The following PRDM12 variants were observed in gnomAD, a reference collection of about 807,000 sequenced individuals.
The protein encoded by PRDM12 is PR domain zinc finger protein 12.
In PRDM12, 17 loss-of-function variants were observed where a neutral mutation model predicts 29.6. The ratio of observed to expected loss-of-function variants is 0.57; its 90% CI spans 0.39 to 0.86. The LOEUF (loss-of-function observed/expected upper bound fraction) is 0.86, where lower values mean the gene tolerates loss of function less well. Among genes scored for constraint, PRDM12 ranks in the 40% least tolerant of loss-of-function variants. The probability of loss-of-function intolerance (pLI) is 0.00; values close to 1 mark genes in which losing one functional copy is unlikely to be tolerated. For synonymous variants in PRDM12, 231 were observed against 225.8 expected (o/e 1.02, Z -0.21); for missense variants, 422 against 510.8 (o/e 0.83, Z 1.68).
rs1419597231 is a variant in PRDM12, at chr9:130,664,767, C to A, written c.114C>A (p.Tyr38Ter). The A allele has an allele frequency of 1.9e-6, 3 of 1,607,768 alleles. No individual in the cohort carries two copies. Among genetic ancestry groups the A allele is most frequent in the African/African-American group, 1.3e-5 (1 of 74,846 alleles). The change falls in exon 1 of 5, where the codon TAC becomes TAA. Residue 38 changes from tyrosine to a stop codon, truncating the protein, a stop_gained. Coordinates refer to ENST00000253008, the MANE Select transcript of PRDM12 (RefSeq NM_021619.3). LOFTEE classifies it high-confidence loss of function. The surrounding 1 kb of genome is among the most constrained non-coding windows in gnomAD (Gnocchi z 6.4). ...CCGACATCCTGCACAGCTTCCTGTA[C>A]GGCCGCTGGCGCAACGTGCTCGGGG... The part of the protein sequence containing the change: ...ITSDILHSFL[Y>*]GRWRNVLGEQ...
chr9:130,672,924 G>A (rs1020578830), intron 3 of PRDM12, among the ~76,000 whole-genome samples: 4 of 152,174 alleles, frequency 2.6e-5, no homozygotes, highest in African/African-American at 7.2e-5. Flanking sequence ...AGTGGGGAAG[G>A]ACAGATCTTC....
Position 130,681,732 on chromosome 9 carries a change from C to A in PRDM12, c.*63C>A. The stretch of plus-strand genomic sequence containing the variant: ...GGTCCCCGGCACCCCGGCCCCGCAG[C>A]GCGACTCGCCCTCCAGCCCCAACCC... On this transcript the variant is annotated 3_prime_UTR_variant, in exon 5 of 5. Transcript: ENST00000253008. This position sits in a 1 kb window ranked among gnomAD's most constrained non-coding sequence, Gnocchi z 8.1. The A allele has an allele frequency of 1.0e-6, 1 of 978,872 alleles. No individual in the cohort carries two copies. The highest frequency in any genetic ancestry group is 1.2e-6 in the Non-Finnish European group (1 of 825,140). 60.6% of individuals were successfully genotyped at this position (978,872 alleles called of 1,614,324 possible).
rs1342719521 is a variant in PRDM12, at chr9:130,681,143, G to A, written c.683-105G>A. On this transcript the variant is annotated intron_variant, in intron 4 of 4. Transcript: ENST00000253008. The surrounding 1 kb of genome is among the most constrained non-coding windows in gnomAD (Gnocchi z 8.1). ...CACCCTCAAGGACGGACCGGCCCCG[G>A]GCTGGGGGCGCTGAGGGCCCGGGCT... 1 of 1,206,768 alleles carries A rather than the reference G, an allele frequency of 8.3e-7. No individual in the cohort carries two copies. The highest frequency in any genetic ancestry group is 3.6e-5 in the Admixed American group (1 of 27,748). The allele number at this position is 1,206,768 out of a possible 1,614,324, so 74.8% of individuals were successfully genotyped here. A position where few individuals can be genotyped will look rare whatever the true frequency, so the allele number is the denominator to read the frequency against.
At chr9:130,675,923 CAG>C (rs1317615760) in intron 3 of PRDM12, among the ~76,000 whole-genome samples, 6 of 152,136 alleles carry the variant, frequency 3.9e-5, no homozygotes, top group African/African-American at 1.4e-4. Flanking sequence ...GACTTACAAC[CAG>C]AGTCTTAGAG....
chr9:130,680,666 T>A (rs1427255039), intron 4 of PRDM12, among the ~76,000 whole-genome samples: 18 of 139,876 alleles, frequency 1.3e-4, no homozygotes, highest in African/African-American at 3.8e-4. Context: ...TATATTTTTT[T>A]TTTTTTTAAC....
chr9:130,674,208 T>C (rs1241790583), intron 3 of PRDM12, among the ~76,000 whole-genome samples: 1 of 151,656 alleles, frequency 6.6e-6, no homozygotes, highest in African/African-American at 2.4e-5. Flanking sequence ...AGAGACAGGG[T>C]TTCACTATGT....
chr9:130,670,706 C>G lies in PRDM12; in HGVS notation c.570+2393C>G, dbSNP rs79274860. ...ACACACATCTTCGCCTTCATACGCTCTTTCCCAGCCATCCTGATACAGATG... is the reference window on the plus strand; with the variant it reads ...ACACACATCTTCGCCTTCATACGCTGTTTCCCAGCCATCCTGATACAGATG... On this transcript the variant is annotated intron_variant, in intron 3 of 4. Transcript: ENST00000253008. Among the ~76,000 whole-genome samples, 802 of 152,362 alleles carry G rather than the reference C, an allele frequency of 5.3e-3. 5 individuals carry two copies. The highest frequency in any genetic ancestry group is 0.019 in the African/African-American group (770 of 41,576).
intron 4 of PRDM12, among the ~76,000 whole-genome samples, chr9:130,679,330 C>CTTTTT (rs68186892): frequency 1.7e-5 from 2 of 116,540 alleles, no homozygotes; most frequent in Non-Finnish European, 3.4e-5. Flanking sequence ...TTCTTTCTTC[C>CTTTTT]TTTTTTTTTT....
At chr9:130,680,659 A>ATATATATATATATATATATATTTTTTTT in intron 4 of PRDM12, among the ~76,000 whole-genome samples, 1 of 72,170 alleles carries the variant, frequency 1.4e-5, no homozygotes, top group Non-Finnish European at 2.2e-5. Flanking sequence ...ATATATATAT[A>ATATATATATATATATATATATTTTTTTT]TTTTTTTTTT....
chr9:130,668,437 G>A lies in PRDM12; in HGVS notation c.570+124G>A. Reference sequence around the variant, plus strand: ...AGGGGAGCTGACACTGGCCTCGCTGGCTCTGCGCAGGCCATGGGGCTGTGG... The same window carrying A: ...AGGGGAGCTGACACTGGCCTCGCTGACTCTGCGCAGGCCATGGGGCTGTGG... On this transcript the variant is annotated intron_variant, in intron 3 of 4. Coordinates refer to ENST00000253008, the MANE Select transcript of PRDM12 (RefSeq NM_021619.3). This position sits in a 1 kb window ranked among gnomAD's most constrained non-coding sequence, Gnocchi z 4.0. 1 of 1,469,792 alleles carries A rather than the reference G, an allele frequency of 6.8e-7. No individual in the cohort carries two copies. Among genetic ancestry groups the A allele is most frequent in the South Asian group, 1.3e-5 (1 of 77,888 alleles). The allele number at this position is 1,469,792 out of a possible 1,614,324, so 91.0% of individuals were successfully genotyped here.
intron 3 of PRDM12, among the ~76,000 whole-genome samples, chr9:130,673,262 C>T (rs1024053263): frequency 3.3e-5 from 5 of 152,252 alleles, no homozygotes; most frequent in African/African-American, 9.6e-5. Context: ...CTGGCGGGAC[C>T]CCGGGAGCCT....
At position 130,668,178 on chromosome 9, in the gene PRDM12, G is replaced by A. The variant is rs369850639; in HGVS notation, c.435G>A (p.Thr145=). 4.0e-5 allele frequency: 64 copies of A among 1,614,046 alleles called. No homozygotes were observed. Among genetic ancestry groups the A allele is most frequent in the Admixed American group, 8.3e-5 (5 of 60,012 alleles). Residue 145 remains threonine (T), a synonymous_variant, in exon 3 of 5, where the codon ACG becomes ACA. Coordinates refer to ENST00000253008, the MANE Select transcript of PRDM12 (RefSeq NM_021619.3). This position sits in a 1 kb window ranked among gnomAD's most constrained non-coding sequence, Gnocchi z 4.0. ...CCCAGGTGTTCAATGAGGATGGCAC[G>A]GTGCGCTACTTCATCGATGCCAGCC... The part of the protein sequence containing the change: ...LMWEVFNEDG[T]VRYFIDASQE...
intron 4 of PRDM12, among the ~76,000 whole-genome samples, chr9:130,680,637 ATAT>A (rs1830887737): frequency 1.4e-5 from 1 of 71,020 alleles, no homozygotes; most frequent in African/African-American, 7.7e-5. Context: ...AAAAAAAAAT[ATAT>A]ATATATATAT....
intron 3 of PRDM12, among the ~76,000 whole-genome samples, chr9:130,671,374 GAC>G (rs56920587): frequency 0.1 from 13,945 of 135,442 alleles, 732 homozygotes; most frequent in South Asian, 0.16. Context: ...AGAGGATCAG[GAC>G]ACACACACAC....
intron 2 of PRDM12, among the ~76,000 whole-genome samples, chr9:130,667,638 AC>A (rs1206575844): frequency 6.6e-6 from 1 of 151,360 alleles, no homozygotes; most frequent in East Asian, 1.9e-4. Context: ...ACCACTAACC[AC>A]CTTCTCCAGT....
Position 130,668,949 on chromosome 9 carries a change from C to T in PRDM12, c.570+636C>T, listed in dbSNP as rs1214863384. Among the ~76,000 whole-genome samples the T allele has an allele frequency of 6.6e-6, 1 of 152,112 alleles. No individual in the cohort carries two copies. The highest frequency in any genetic ancestry group is 1.9e-4 in the East Asian group (1 of 5,190). ...GTGGCAGCAGACTTGGGGGTTTTGC[C>T]GGCCATCTGGGGGGAGTGTTAGCAC... On this transcript the variant is annotated intron_variant, in intron 3 of 4. Transcript: ENST00000253008. The surrounding 1 kb of genome is among the most constrained non-coding windows in gnomAD (Gnocchi z 4.0).
At chr9:130,667,537 C>CCA (rs1554752086) in intron 2 of PRDM12, among the ~76,000 whole-genome samples, 5 of 151,994 alleles carry the variant, frequency 3.3e-5, no homozygotes, top group Non-Finnish European at 5.9e-5. Context: ...TCCAGCTCCC[C>CCA]CCGGCGGACC....
chr9:130,681,339 G>T lies in PRDM12; in HGVS notation c.774G>T (p.Leu258=). Residue 258 remains leucine (L), a synonymous_variant, in exon 5 of 5, where the codon CTG becomes CTT. Transcript: ENST00000253008. The surrounding 1 kb of genome is among the most constrained non-coding windows in gnomAD (Gnocchi z 8.1). ...CHRGFNSRSN[L]RSHMRIHTLD... Reference sequence around the variant, plus strand: ...GCGGCTTCAACTCGCGCAGCAACCTGCGCTCGCACATGCGCATCCACACGC... The same window carrying T: ...GCGGCTTCAACTCGCGCAGCAACCTTCGCTCGCACATGCGCATCCACACGC... 1 of 1,571,410 alleles carries T rather than the reference G, an allele frequency of 6.4e-7. No individual in the cohort carries two copies. The highest frequency in any genetic ancestry group is 8.6e-7 in the Non-Finnish European group (1 of 1,157,888).
chr9:130,670,569 C>T (rs1830780696), intron 3 of PRDM12, among the ~76,000 whole-genome samples: 1 of 152,190 alleles, frequency 6.6e-6, no homozygotes, highest in Admixed American at 6.5e-5. Flanking sequence ...ACAGAGGTGG[C>T]TCCTTGACCA....
Sources: allele counts gnomAD v4.1 joint callset (sites outside exome capture counted in the v4.1 genomes callset), GRCh38; gene constraint gnomAD v4.1.1; non-coding constraint Gnocchi (gnomAD v3.1); transcripts MANE v1.5; gene names NCBI Gene and HGNC (gene_info 2026-07-23, HGNC 2026-07-21).